DRAM2: variants seen among roughly 807,000 people sequenced by gnomAD.
DRAM2 encodes the protein DNA damage regulated autophagy modulator 2.
Under a neutral mutation model 33.5 loss-of-function variants are expected in DRAM2, and 26 were observed. The observed-to-expected ratio is 0.78, with a 90% CI of 0.57 to 1.08. The LOEUF (loss-of-function observed/expected upper bound fraction) is 1.08. DRAM2 is among the 50% of genes least tolerant of loss of function. DRAM2 has a pLI of 0.00. For missense variants in DRAM2, 311 were observed against 318.1 expected, an observed-to-expected ratio of 0.98 and a Z score of 0.17; for synonymous variants, 98 against 109.5, an observed-to-expected ratio of 0.89 and a Z score of 0.66.
At chr1:111,128,359 T>C (rs891380272) in intron 4 of DRAM2, among the ~76,000 whole-genome samples, 2 of 152,144 alleles carry the variant, frequency 1.3e-5, no homozygotes, top group East Asian at 1.9e-4. Flanking sequence ...TAATACTAAG[T>C]TCATTAGCAG....
At chr1:111,122,622 A>G (rs1650262485) in intron 6 of DRAM2, 1 of 151,910 alleles carries the variant, frequency 6.6e-6, no homozygotes, top group Non-Finnish European at 1.5e-5. Context: ...TCACCACTTT[A>G]ATTAAGTAGT....
intron 4 of DRAM2, chr1:111,128,134 CTTTTTTTTTTT>C (rs35509678): frequency 9.8e-6 from 1 of 102,326 alleles, no homozygotes; most frequent in Non-Finnish European, 2.0e-5. Flanking sequence ...TTCTTCGTTT[CTTTTTTTTTTT>C]TTTTTTTTTT....
intron 3 of DRAM2, among the ~76,000 whole-genome samples, chr1:111,136,567 A>T (rs1653215896): frequency 6.6e-6 from 1 of 151,154 alleles, no homozygotes; most frequent in Non-Finnish European, 1.5e-5. Context: ...CCTGGGCAAC[A>T]GAGCAAGACT....
At chr1:111,129,043 A>G (rs1274139912) in intron 4 of DRAM2, among the ~76,000 whole-genome samples, 1 of 152,202 alleles carries the variant, frequency 6.6e-6, no homozygotes, top group Admixed American at 6.5e-5. Flanking sequence ...AAATCTTCCC[A>G]AACTGCATCC....
Position 111,131,443 on chromosome 1 carries a change from G to C in DRAM2, c.112C>G (p.Pro38Ala). 1 of 1,613,854 alleles carries C rather than the reference G, an allele frequency of 6.2e-7. No homozygotes were observed. Among genetic ancestry groups the C allele is most frequent in the African/African-American group, 1.3e-5 (1 of 75,010 alleles). The part of the protein sequence containing the change: ...ITAVTLHHID[P>A]ALPYISDTGT... Reference sequence around the variant, plus strand: ...ACTTACCTGATATAAGGTAAAGCCGGGTCTATATGGTGGAGTGTTACTGCA... The same window carrying C: ...ACTTACCTGATATAAGGTAAAGCCGCGTCTATATGGTGGAGTGTTACTGCA... The change falls in exon 4 of 10, where the codon CCG (proline) becomes GCG (alanine). Residue 38 changes from proline (P) to alanine (A), a missense_variant. Transcript: ENST00000484310.
At chr1:111,136,451 G>A (rs946523505) in intron 3 of DRAM2, among the ~76,000 whole-genome samples, 21 of 152,052 alleles carry the variant, frequency 1.4e-4, no homozygotes, top group Non-Finnish European at 2.9e-4. Flanking sequence ...TGTAATTCCA[G>A]CTACTCGGGA....
chr1:111,118,302 G>T (rs750569733), intron 9 of DRAM2, 35 bp from the exon 10 acceptor site: 2 of 1,460,618 alleles, frequency 1.4e-6, no homozygotes, highest in African/African-American at 1.4e-5. Context: ...ATAGAAGTTT[G>T]CTCCTTAAAG....
At chr1:111,120,231 G>A (rs1473114238) in intron 7 of DRAM2, among the ~76,000 whole-genome samples, 5 of 151,464 alleles carry the variant, frequency 3.3e-5, no homozygotes, top group Non-Finnish European at 7.4e-5. Context: ...TTCTCAGAAA[G>A]GGCATTTACT....
At chr1:111,134,107 T>G (rs1404013753) in intron 3 of DRAM2, among the ~76,000 whole-genome samples, 1 of 152,192 alleles carries the variant, frequency 6.6e-6, no homozygotes, top group Non-Finnish European at 1.5e-5. Context: ...ATACCCCACA[T>G]CACCACTTTC....
intron 6 of DRAM2, among the ~76,000 whole-genome samples, chr1:111,121,781 A>G (rs1468974672): frequency 6.6e-6 from 1 of 152,192 alleles, no homozygotes; most frequent in Admixed American, 6.6e-5. Flanking sequence ...AAGTTACTAA[A>G]TAATTAATGA....
At chr1:111,120,884 A>G (rs1399982642) in intron 6 of DRAM2, among the ~76,000 whole-genome samples, 191 bp from the exon 7 acceptor site, 1 of 152,128 alleles carries the variant, frequency 6.6e-6, no homozygotes, top group Admixed American at 6.6e-5. Context: ...TAAGGATTAT[A>G]GTAATACCAA....
intron 4 of DRAM2, 30 bp from the exon 5 acceptor site, chr1:111,126,324 TTCTC>T: frequency 7.4e-7 from 1 of 1,344,860 alleles, no homozygotes. Flanking sequence ...GTATGTGGAT[TTCTC>T]ATACTAGATA....
At chr1:111,126,378 T>C in intron 4 of DRAM2, 84 bp from the exon 5 acceptor site, 1 of 773,790 alleles carries the variant, frequency 1.3e-6, no homozygotes, top group East Asian at 2.5e-5. Context: ...ATATCAGGAG[T>C]TAATTCAAAC....
chr1:111,129,791 T>C (rs775525420), intron 4 of DRAM2, among the ~76,000 whole-genome samples: 11 of 152,118 alleles, frequency 7.2e-5, no homozygotes, highest in Non-Finnish European at 1.5e-4. Flanking sequence ...CCTATCACTT[T>C]TTATAAATGA....
At chr1:111,126,877 CCTCTAG>C (rs1651120195) in intron 4 of DRAM2, among the ~76,000 whole-genome samples, 1 of 152,146 alleles carries the variant, frequency 6.6e-6, no homozygotes, top group South Asian at 2.1e-4. Context: ...TTGGATAACT[CCTCTAG>C]CAGATAGTGA....
rs1310104278 is a variant in DRAM2, at chr1:111,131,406, A to G, written c.131+18T>C. ...GAGACATAAAGAGTCTCCTATACAA[A>G]GAATACATTTCACTTACCTGATATA... On this transcript the variant is annotated intron_variant, in intron 4 of 9. Coordinates refer to ENST00000484310, the MANE Select transcript of DRAM2 (RefSeq NM_001349884.2). The G allele has an allele frequency of 1.2e-6, 2 of 1,607,896 alleles. No homozygotes were observed. Among genetic ancestry groups the G allele is most frequent in the African/African-American group, 2.7e-5 (2 of 74,536 alleles).
chr1:111,128,783 T>C (rs756250874), intron 4 of DRAM2, among the ~76,000 whole-genome samples: 1 of 152,140 alleles, frequency 6.6e-6, no homozygotes, highest in Non-Finnish European at 1.5e-5. Context: ...ATTGGATGTA[T>C]AGAAGTGGAA....
intron 2 of DRAM2, chr1:111,139,188 G>A (rs1311195915): frequency 2.6e-5 from 4 of 152,172 alleles, no homozygotes; most frequent in Non-Finnish European, 5.9e-5. Context: ...AGAGAAATGA[G>A]GACAATCCGA....
chr1:111,125,994 G>A (rs1031514722), intron 5 of DRAM2, among the ~76,000 whole-genome samples: 5 of 152,038 alleles, frequency 3.3e-5, no homozygotes, highest in African/African-American at 7.2e-5. Context: ...ACTTCCATTT[G>A]AATGAATAGT....
Sources: allele counts gnomAD v4.1 joint callset (sites outside exome capture counted in the v4.1 genomes callset), GRCh38; gene constraint gnomAD v4.1.1; transcripts MANE v1.5; gene names NCBI Gene and HGNC (gene_info 2026-07-23, HGNC 2026-07-21).